CDK6: variants seen among roughly 807,000 people sequenced by gnomAD.
CDK6 encodes the protein cyclin dependent kinase 6, also known as cyclin-dependent kinase 6.
A neutral mutation model predicts 37.1 loss-of-function variants in CDK6; 6 were observed. The observed-to-expected ratio is 0.16, with a 90% CI of 0.09 to 0.32. CDK6 has a LOEUF of 0.32. CDK6 is among the 10% of genes least tolerant of loss of function. CDK6 has a pLI of 1.00. For synonymous variants in CDK6, 160 were observed against 161.3 expected (o/e 0.99, Z 0.06); for missense variants, 224 against 418.9 (o/e 0.53, Z 4.06).
In CDK6 at chr7:92,613,389, A is replaced by T. The variant is rs73710416; in HGVS notation, c.*1751T>A. The T allele has an allele frequency of 3.3e-3, 775 of 233,756 alleles. 5 individuals carry two copies. Among genetic ancestry groups the T allele is most frequent in the African/African-American group, 0.016 (738 of 45,490 alleles). The allele number at this position is 233,756 out of a possible 1,614,324, so 14.5% of individuals were successfully genotyped here. A position where few individuals can be genotyped will look rare whatever the true frequency, so the allele number is the denominator to read the frequency against. The stretch of plus-strand genomic sequence containing the variant: ...AACTGTTGCATGATCTAACTGTTGC[A>T]TGCACTCTGAGTCAGAAAGCACAGG... On this transcript the variant is annotated 3_prime_UTR_variant, in exon 8 of 8. Transcript: ENST00000424848.
intron 4 of CDK6, among the ~76,000 whole-genome samples, chr7:92,688,306 T>C (rs1048304008): frequency 1.4e-4 from 21 of 152,330 alleles, no homozygotes; most frequent in African/African-American, 3.8e-4. Flanking sequence ...TCTATACTTT[T>C]GACTGAATAA....
intron 3 of CDK6, among the ~76,000 whole-genome samples, chr7:92,755,744 G>A (rs1300619501): frequency 1.3e-5 from 2 of 152,110 alleles, no homozygotes; most frequent in Non-Finnish European, 2.9e-5. Flanking sequence ...AAGTTGGGGT[G>A]CGGATACCAT....
intron 5 of CDK6, among the ~76,000 whole-genome samples, chr7:92,663,714 G>T (rs1469848343): frequency 6.8e-6 from 1 of 147,970 alleles, no homozygotes; most frequent in Non-Finnish European, 1.5e-5. Context: ...AAAAAAAAAA[G>T]AATTTAAAAA....
chr7:92,823,723 T>A (rs1453001206), intron 2 of CDK6, among the ~76,000 whole-genome samples: 1 of 152,072 alleles, frequency 6.6e-6, no homozygotes, highest in African/African-American at 2.4e-5. Flanking sequence ...TCAGACAGTC[T>A]CTTGGGTTCT....
At chr7:92,644,186 C>T (rs1190499849) in intron 5 of CDK6, among the ~76,000 whole-genome samples, 4 of 152,180 alleles carry the variant, frequency 2.6e-5, no homozygotes, top group Non-Finnish European at 5.9e-5. Context: ...GAAAATGATA[C>T]ATTTTATTAT....
chr7:92,702,069 T>A (rs1797861034), intron 4 of CDK6, among the ~76,000 whole-genome samples: 1 of 152,104 alleles, frequency 6.6e-6, no homozygotes, highest in Admixed American at 6.6e-5. Flanking sequence ...GTGATCACTG[T>A]TGGTGGTAGT....
At chr7:92,779,975 T>G (rs1799946602) in intron 2 of CDK6, among the ~76,000 whole-genome samples, 1 of 152,132 alleles carries the variant, frequency 6.6e-6, no homozygotes, top group South Asian at 2.1e-4. Context: ...AGAAACTTTA[T>G]TTTTATTCTT....
At chr7:92,782,726 G>A (rs565679663) in intron 2 of CDK6, among the ~76,000 whole-genome samples, 2 of 152,178 alleles carry the variant, frequency 1.3e-5, no homozygotes, top group South Asian at 4.1e-4. Flanking sequence ...ATCTACCCCT[G>A]GATTTATTAA....
chr7:92,826,097 G>A (rs1488029000), intron 2 of CDK6, among the ~76,000 whole-genome samples: 1 of 151,964 alleles, frequency 6.6e-6, no homozygotes, highest in Non-Finnish European at 1.5e-5. Flanking sequence ...AATTCATATG[G>A]TGTCTTCCTT....
chr7:92,656,639 A>G (rs1203040776), intron 5 of CDK6, among the ~76,000 whole-genome samples: 1 of 152,200 alleles, frequency 6.6e-6, no homozygotes, highest in Non-Finnish European at 1.5e-5. Flanking sequence ...CCAAGGCCAG[A>G]CTCAACTCAG....
intron 3 of CDK6, among the ~76,000 whole-genome samples, chr7:92,760,190 G>C (rs1799420068): frequency 6.6e-6 from 1 of 152,074 alleles, no homozygotes; most frequent in Non-Finnish European, 1.5e-5. Flanking sequence ...TTACAATCAA[G>C]TGAAATTTCT....
At chr7:92,753,892 A>G (rs758101460) in intron 3 of CDK6, among the ~76,000 whole-genome samples, 17 of 152,190 alleles carry the variant, frequency 1.1e-4, no homozygotes, top group Non-Finnish European at 1.8e-4. Context: ...TGATATAAAC[A>G]GTTCACCTGG....
chr7:92,667,584 C>CTGT (rs1796987720), intron 5 of CDK6, among the ~76,000 whole-genome samples: 2 of 149,136 alleles, frequency 1.3e-5, no homozygotes, highest in Admixed American at 1.3e-4. Flanking sequence ...GGGCCTCCTT[C>CTGT]TGTTGCCCAG....
At chr7:92,772,184 A>C (rs1799733430) in intron 3 of CDK6, among the ~76,000 whole-genome samples, 1 of 152,204 alleles carries the variant, frequency 6.6e-6, no homozygotes, top group Admixed American at 6.5e-5. Flanking sequence ...GAAGGAAAGT[A>C]GGTTAGTATA....
intron 5 of CDK6, among the ~76,000 whole-genome samples, chr7:92,664,341 T>G (rs572671552): frequency 1.1e-3 from 174 of 152,330 alleles, no homozygotes; most frequent in African/African-American, 4.1e-3. Flanking sequence ...GCGTGCCTTC[T>G]GGCACCCTGG....
chr7:92,653,747 A>G (rs1562925728), intron 5 of CDK6, among the ~76,000 whole-genome samples: 2 of 152,022 alleles, frequency 1.3e-5, no homozygotes, highest in Non-Finnish European at 2.9e-5. Context: ...GGCTTTTATT[A>G]CTGCATTTTA....
At chr7:92,616,932 T>G (rs1281906600) in intron 7 of CDK6, among the ~76,000 whole-genome samples, 1 of 152,230 alleles carries the variant, frequency 6.6e-6, no homozygotes, top group East Asian at 1.9e-4. Flanking sequence ...CTATTATTGC[T>G]CTACTTCAGG....
At chr7:92,749,155 C>T (rs767566177) in intron 3 of CDK6, among the ~76,000 whole-genome samples, 6 of 147,388 alleles carry the variant, frequency 4.1e-5, no homozygotes, top group Non-Finnish European at 8.9e-5. Context: ...GCTGAGATCA[C>T]ACCACTGCAC....
intron 5 of CDK6, among the ~76,000 whole-genome samples, chr7:92,657,771 A>C (rs1305400245): frequency 1.3e-5 from 2 of 152,238 alleles, no homozygotes; most frequent in Non-Finnish European, 2.9e-5. Context: ...CCTGGAATGC[A>C]GTCGTGTAAT....
Sources: gnomAD v4.1 joint callset for allele counts (sites outside exome capture counted in the v4.1 genomes callset) on GRCh38, gnomAD v4.1.1 for gene constraint, MANE v1.5 for transcripts, NCBI Gene and HGNC (gene_info 2026-07-23, HGNC 2026-07-21) for gene names.